The following GPC5 variants were observed in gnomAD, a reference collection of about 807,000 sequenced individuals.
The protein encoded by GPC5 is glypican-5.
A neutral mutation model predicts 53.9 loss-of-function variants in GPC5; 47 were observed. The observed-to-expected ratio is 0.87, with a 90% CI of 0.69 to 1.11. The LOEUF (loss-of-function observed/expected upper bound fraction) is 1.11, where lower values mean the gene tolerates loss of function less well. GPC5 is among the 50% of genes most tolerant of loss of function. The pLI, the probability that GPC5 is intolerant of heterozygous loss-of-function variation, is 0.00. For missense variants in GPC5, 748 were observed against 713.1 expected, an observed-to-expected ratio of 1.05 and a Z score of -0.56; for synonymous variants, 286 against 263.3, an observed-to-expected ratio of 1.09 and a Z score of -0.84.
At chr13:91,641,180 T>C (rs1219643893) in intron 2 of GPC5, among the ~76,000 whole-genome samples, 2 of 151,964 alleles carry the variant, frequency 1.3e-5, no homozygotes, top group African/African-American at 4.8e-5. Context: ...ACAAAAAAAT[T>C]AGCCAGGCGT....
intron 5 of GPC5, among the ~76,000 whole-genome samples, chr13:91,907,417 G>GTATA (rs36190602): frequency 4.3e-5 from 6 of 140,780 alleles, no homozygotes; most frequent in East Asian, 4.1e-4. Context: ...ATATGTACAT[G>GTATA]TATATATATA....
intron 6 of GPC5, among the ~76,000 whole-genome samples, chr13:92,131,140 T>C (rs533736190): frequency 4.6e-5 from 7 of 152,034 alleles, no homozygotes; most frequent in African/African-American, 1.7e-4. Context: ...TAAACACCAC[T>C]ATATACCCAC....
At chr13:91,879,191 G>A (rs2039238071) in intron 5 of GPC5, among the ~76,000 whole-genome samples, 1 of 151,956 alleles carries the variant, frequency 6.6e-6, no homozygotes, top group African/African-American at 2.4e-5. Context: ...CGGACGTGCA[G>A]GTTTGTTATA....
At chr13:92,159,507 C>T (rs760495982) in intron 7 of GPC5, among the ~76,000 whole-genome samples, 6 of 151,494 alleles carry the variant, frequency 4.0e-5, no homozygotes, top group Non-Finnish European at 5.9e-5. Context: ...TACTTCTCTT[C>T]CAAATCCCTA....
intron 6 of GPC5, among the ~76,000 whole-genome samples, chr13:91,948,227 CAAAA>C (rs59185061): frequency 7.5e-6 from 1 of 132,548 alleles, no homozygotes; most frequent in African/African-American, 2.8e-5. Flanking sequence ...GACTCTGTCT[CAAAA>C]AAAAAAAAAA....
chr13:92,219,381 C>A (rs1233039796), intron 7 of GPC5, among the ~76,000 whole-genome samples: 1 of 152,050 alleles, frequency 6.6e-6, no homozygotes, highest in Non-Finnish European at 1.5e-5. Context: ...CTTATTCCTG[C>A]ATACATATTG....
intron 5 of GPC5, among the ~76,000 whole-genome samples, chr13:91,805,296 G>C (rs1021378554): frequency 3.9e-5 from 6 of 152,190 alleles, no homozygotes; most frequent in Non-Finnish European, 8.8e-5. Context: ...GAGACATGTT[G>C]CGTGTAAAAA....
intron 7 of GPC5, among the ~76,000 whole-genome samples, chr13:92,361,083 G>T (rs1390975574): frequency 6.6e-6 from 1 of 151,770 alleles, no homozygotes; most frequent in Admixed American, 6.6e-5. Flanking sequence ...ATATGGAAAT[G>T]CAGCCATTGT....
At chr13:92,379,357 T>C (rs557125905) in intron 7 of GPC5, among the ~76,000 whole-genome samples, 2 of 152,308 alleles carry the variant, frequency 1.3e-5, no homozygotes, top group South Asian at 4.1e-4. Flanking sequence ...AGCTGCACTT[T>C]TTTATTTTTC....
intron 2 of GPC5, among the ~76,000 whole-genome samples, chr13:91,682,403 A>G (rs2139741555): frequency 6.6e-6 from 1 of 152,322 alleles, no homozygotes; most frequent in African/African-American, 2.4e-5. Flanking sequence ...GCAAGTAGGT[A>G]CCATGTACAA....
At position 91,899,338 on chromosome 13, in the gene GPC5, G is replaced by A. The variant is rs538986212; in HGVS notation, c.1281-8599G>A. On this transcript the variant is annotated intron_variant, in intron 5 of 7. Coordinates refer to ENST00000377067, the MANE Select transcript of GPC5 (RefSeq NM_004466.6). ...ATTTCCAAAGCTAATTATTTTTCTT[G>A]TGGCCAACTGAATTAGAGTAAAAAC... Among the ~76,000 whole-genome samples, 11 of 152,010 alleles carry A rather than the reference G, an allele frequency of 7.2e-5. No individual in the cohort carries two copies. The South Asian group carries it at 1.0e-3, about 14-fold the overall frequency.
intron 7 of GPC5, among the ~76,000 whole-genome samples, chr13:92,668,644 T>A (rs1886649288): frequency 6.6e-6 from 1 of 152,142 alleles, no homozygotes; most frequent in Non-Finnish European, 1.5e-5. Context: ...AAGTACTACT[T>A]AGCTCTATAA....
intron 7 of GPC5, among the ~76,000 whole-genome samples, chr13:92,147,923 A>G (rs1593931111): frequency 6.6e-6 from 1 of 152,034 alleles, no homozygotes; most frequent in Admixed American, 6.6e-5. Flanking sequence ...GCCCAGTTTG[A>G]ATATATTGGT....
intron 7 of GPC5, among the ~76,000 whole-genome samples, chr13:92,269,700 C>T (rs924842621): frequency 1.3e-5 from 2 of 152,210 alleles, no homozygotes; most frequent in Non-Finnish European, 2.9e-5. Flanking sequence ...GCCACCACAC[C>T]TGGCCCGAAG....
At chr13:92,027,733 A>G (rs2040811288) in intron 6 of GPC5, among the ~76,000 whole-genome samples, 1 of 152,188 alleles carries the variant, frequency 6.6e-6, no homozygotes, top group Non-Finnish European at 1.5e-5. Context: ...CAAAGGCAGT[A>G]AACTTACCCA....
At chr13:92,103,740 A>G (rs2138915787) in intron 6 of GPC5, among the ~76,000 whole-genome samples, 1 of 152,312 alleles carries the variant, frequency 6.6e-6, no homozygotes, top group South Asian at 2.1e-4. Flanking sequence ...GTGTTGGGTC[A>G]CATTTTCAAC....
rs539797563 is a variant in GPC5 at position 92,482,568 on chromosome 13, T to C, written c.1561+337579T>C. On this transcript the variant is annotated intron_variant, in intron 7 of 7. Coordinates refer to ENST00000377067, the MANE Select transcript of GPC5 (RefSeq NM_004466.6). ...TTCTTCTTTCCAGCTTTGGCCAGGG[T>C]TTTTTTCCCCCCTTAAATACTACTA... Among the ~76,000 whole-genome samples, 5 of 152,212 alleles carry C rather than the reference T, an allele frequency of 3.3e-5. No individual in the cohort carries two copies. The South Asian group carries it at 8.3e-4, about 25-fold the overall frequency.
intron 2 of GPC5, among the ~76,000 whole-genome samples, chr13:91,508,924 A>G (rs1355205485): frequency 6.6e-6 from 1 of 152,212 alleles, no homozygotes; most frequent in Non-Finnish European, 1.5e-5. Flanking sequence ...AGAAAACAGC[A>G]GAGCTCGAGT....
chr13:92,237,592 T>G (rs1277651550), intron 7 of GPC5, among the ~76,000 whole-genome samples: 1 of 152,174 alleles, frequency 6.6e-6, no homozygotes, highest in East Asian at 1.9e-4. Context: ...TTTCCAAGTA[T>G]GTGTATATTT....
Sources: allele counts gnomAD v4.1 joint callset (sites outside exome capture counted in the v4.1 genomes callset), GRCh38; gene constraint gnomAD v4.1.1; transcripts MANE v1.5; gene names NCBI Gene and HGNC (gene_info 2026-07-23, HGNC 2026-07-21).